S100A7: variants seen among roughly 807,000 people sequenced by gnomAD.
S100A7 encodes the protein protein S100-A7.
S100A7 carries 2 observed loss-of-function variants against 3.8 expected under a neutral mutation model. The observed-to-expected ratio is 0.53, with a 90% CI of 0.22 to 1.67. The LOEUF (loss-of-function observed/expected upper bound fraction) is 1.67. S100A7 is among the 40% of genes most tolerant of loss of function. S100A7 has a pLI of 0.20. For synonymous variants in S100A7, 55 were observed against 45.9 expected (o/e 1.20, Z -0.80); for missense variants, 130 against 126.3 (o/e 1.03, Z -0.14).
At chr1:153,458,484 G>A (rs1357199465) in intron 2 of S100A7, among the ~76,000 whole-genome samples, 3 of 151,854 alleles carry the variant, frequency 2.0e-5, no homozygotes, top group Admixed American at 6.6e-5. Flanking sequence ...CTTGTTTATT[G>A]CAAAGAGGGC....
Position 153,458,861 on chromosome 1 carries a change from A to G in S100A7, c.141+12T>C. 6.2e-7 allele frequency: 1 copy of G among 1,613,726 alleles called. No homozygotes were observed. Among genetic ancestry groups the G allele is most frequent in the Non-Finnish European group, 8.5e-7 (1 of 1,179,722 alleles). On this transcript the variant is annotated intron_variant, in intron 2 of 2. Coordinates refer to ENST00000368723, the MANE Select transcript of S100A7 (RefSeq NM_002963.4). Reference sequence around the variant, plus strand: ...GTATCCTCCAACATTGAGAAGCTAGACACCGACTCACACAGGCACTAAGGA... The same window carrying G: ...GTATCCTCCAACATTGAGAAGCTAGGCACCGACTCACACAGGCACTAAGGA...
intron 1 of S100A7, chr1:153,459,789 C>G (rs3014838): frequency 0.86 from 131,614 of 152,212 alleles, 57,239 homozygotes; most frequent in African/African-American, 0.94. Context: ...AATCACCAAG[C>G]CTTGACTGTT....
chr1:153,459,261 C>T (rs1226004827), intron 1 of S100A7, among the ~76,000 whole-genome samples: 1 of 152,066 alleles, frequency 6.6e-6, no homozygotes, highest in African/African-American at 2.4e-5. Flanking sequence ...AGGTGGATGG[C>T]GGAAGTCCAG....
chr1:153,458,821 G>A, intron 2 of S100A7, 52 bp downstream of exon 2: 1 of 1,603,178 alleles, frequency 6.2e-7, no homozygotes, highest in Non-Finnish European at 8.5e-7. Flanking sequence ...TCTGTCCAAG[G>A]CCACATAGCA....
chr1:153,459,767 C>G (rs1338052068), intron 1 of S100A7: 1 of 152,232 alleles, frequency 6.6e-6, no homozygotes, highest in East Asian at 1.9e-4. Flanking sequence ...TGGGAATTAT[C>G]TGCACCCTCT....
chr1:153,458,786 T>A (rs878873163), intron 2 of S100A7, 87 bp downstream of exon 2: 2 of 1,500,694 alleles, frequency 1.3e-6, no homozygotes, highest in Non-Finnish European at 1.8e-6. Context: ...AAATGGGAAA[T>A]TTTTTAATCA....
chr1:153,457,818 C>G lies in S100A7; in HGVS notation c.294G>C (p.Gly98=), dbSNP rs1207229928. The G allele has an allele frequency of 1.2e-6, 2 of 1,613,948 alleles. No individual in the cohort carries two copies. The highest frequency in any genetic ancestry group is 1.3e-5 in the African/African-American group (1 of 74,888). ...TGGTGGGGCTGGGTCACTGGCTGCC[C>G]CCGGAACAGGGCGCTGCTCCATGGC... ...KQSHGAAPCS[G]GSQ is the part of the protein sequence containing the mutation. The change falls in exon 3 of 3, where the codon GGG becomes GGC. Residue 98 remains glycine, a synonymous_variant. Transcript: ENST00000368723.
At chr1:153,458,022 T>C in intron 2 of S100A7, 52 bp from the exon 3 acceptor site, 1 of 1,596,354 alleles carries the variant, frequency 6.3e-7, no homozygotes. Flanking sequence ...AAACAAGTTT[T>C]GGGCTGGGAG....
rs202115105 is a variant in S100A7 at position 153,459,030 on chromosome 1, C to G, written c.-17G>C. 2.1e-4 allele frequency: 340 copies of G among 1,609,442 alleles called. 5 individuals carry two copies. In the Admixed American group the frequency reaches 2.6e-3, roughly 12 times the overall value. ...GTTGCTCATCTTTGCTTTCAAAAAG[C>G]CTTCAGGAAATAAAGACAATCATTT... On this transcript the variant is annotated splice_region_variant and 5_prime_UTR_variant, in exon 2 of 3. Coordinates refer to ENST00000368723, the MANE Select transcript of S100A7 (RefSeq NM_002963.4).
chr1:153,458,337 T>C (rs1663737732), intron 2 of S100A7, among the ~76,000 whole-genome samples: 1 of 152,168 alleles, frequency 6.6e-6, no homozygotes, highest in Admixed American at 6.5e-5. Flanking sequence ...CTCATGCTTT[T>C]GTTCTCTTCT....
At chr1:153,460,175 C>A (rs2101647261) in intron 1 of S100A7, among the ~76,000 whole-genome samples, 1 of 152,306 alleles carries the variant, frequency 6.6e-6, no homozygotes, top group Admixed American at 6.5e-5. Flanking sequence ...CTGGCCAGGG[C>A]TATGCTGTGT....
intron 1 of S100A7, 62 bp from the exon 2 acceptor site, chr1:153,459,092 G>A (rs1466890514): frequency 1.3e-6 from 2 of 1,568,478 alleles, no homozygotes; most frequent in Non-Finnish European, 1.7e-6. Context: ...CTATTTGGGA[G>A]TGCTGGAAGG....
rs140504218 is a variant in S100A7 at position 153,458,267 on chromosome 1, C to T, written c.142-297G>A. ...CCCCTGCCCCAGCCTCACTCTTTCCCGTCCCAGCCTCTAAGGGCACTGCCT... is the reference window on the plus strand; with the variant it reads ...CCCCTGCCCCAGCCTCACTCTTTCCTGTCCCAGCCTCTAAGGGCACTGCCT... On this transcript the variant is annotated intron_variant, in intron 2 of 2. Coordinates refer to ENST00000368723, the MANE Select transcript of S100A7 (RefSeq NM_002963.4). Among the ~76,000 whole-genome samples, 740 of 152,190 alleles carry T rather than the reference C, an allele frequency of 4.9e-3. 6 individuals carry two copies. Among genetic ancestry groups the T allele is most frequent in the African/African-American group, 0.017 (708 of 41,512 alleles).
Position 153,457,865 on chromosome 1 carries a change from CTA to C in S100A7, c.245_246del (p.Ile82SerfsTer?), listed in dbSNP as rs1441983545. The C allele has an allele frequency of 5.0e-6, 8 of 1,614,014 alleles. No individual in the cohort carries two copies. The African/African-American group carries it at 9.3e-5, about 19-fold the overall frequency. ...FSEFLSLLGD[I>X]ATDYHKQSHG... ...TGGCTCTGCTTGTGGTAGTCTGTGG[CTA>C]TGTCTCCCAGCAAGGACAGAAACTC... On this transcript the variant is annotated frameshift_variant, in exon 3 of 3. Coordinates refer to ENST00000368723, the MANE Select transcript of S100A7 (RefSeq NM_002963.4). LOFTEE classifies it low-confidence loss of function (END_TRUNC).
Position 153,457,800 on chromosome 1 carries a change from G to T in S100A7, c.*6C>A, listed in dbSNP as rs1459503479. ...GGGTCTCTGGAGGCCCATTGGTGGG[G>T]CTGGGTCACTGGCTGCCCCCGGAAC... On this transcript the variant is annotated 3_prime_UTR_variant, in exon 3 of 3. Transcript: ENST00000368723. 2.5e-6 allele frequency: 4 copies of T among 1,613,966 alleles called. No homozygotes were observed. The highest frequency in any genetic ancestry group is 3.4e-6 in the Non-Finnish European group (4 of 1,179,902).
chr1:153,460,601 G>A lies in S100A7; in HGVS notation c.-18+7C>T. The A allele has an allele frequency of 9.1e-7, 1 of 1,102,262 alleles. No homozygotes were observed. Among genetic ancestry groups the A allele is most frequent in the South Asian group, 1.3e-5 (1 of 75,028 alleles). 68.3% of individuals were successfully genotyped at this position (1,102,262 alleles called of 1,614,324 possible). On this transcript the variant is annotated splice_region_variant and intron_variant, in intron 1 of 2. Transcript: ENST00000368723. ...CTAGAAAACGCAAAGAGGCAGGTGAGACTTACCAGAGCTGGGAAGCGTCAC... is the reference window on the plus strand; with the variant it reads ...CTAGAAAACGCAAAGAGGCAGGTGAAACTTACCAGAGCTGGGAAGCGTCAC...
At chr1:153,460,521 TCCACAGC>T (rs1663803214) in intron 1 of S100A7, 80 bp downstream of exon 1, 1 of 683,054 alleles carries the variant, frequency 1.5e-6, no homozygotes, top group East Asian at 2.8e-5. Context: ...TGAGTCTTTG[TCCACAGC>T]CCTTTCCCTT....
chr1:153,459,336 C>A (rs1338223830), intron 1 of S100A7, among the ~76,000 whole-genome samples: 1 of 152,196 alleles, frequency 6.6e-6, no homozygotes, highest in African/African-American at 2.4e-5. Context: ...CATGGAAGAA[C>A]TAAGCTGGGA....
At position 153,457,917 on chromosome 1, in the gene S100A7, A is replaced by T. The variant is rs1244471222; in HGVS notation, c.195T>A (p.Asn65Lys). The T allele has an allele frequency of 3.7e-6, 6 of 1,614,166 alleles. No homozygotes were observed. In the East Asian group the frequency reaches 1.1e-4, roughly 30 times the overall value. ...LADVFEKKDK[N>K]EDKKIDFSEF... ...CAGAAAAATCAATCTTCTTATCCTC[A>T]TTCTTGTCCTTTTTCTCAAAGACAT... The change falls in exon 3 of 3, where the codon AAT (asparagine) becomes AAA (lysine). Residue 65 changes from asparagine to lysine, a missense_variant. Coordinates refer to ENST00000368723, the MANE Select transcript of S100A7 (RefSeq NM_002963.4).
Sources: allele counts gnomAD v4.1 joint callset (sites outside exome capture counted in the v4.1 genomes callset), GRCh38; gene constraint gnomAD v4.1.1; transcripts MANE v1.5; gene names NCBI Gene and HGNC (gene_info 2026-07-23, HGNC 2026-07-21).